CACNA1G: variants seen among roughly 807,000 people sequenced by gnomAD.
The protein encoded by CACNA1G is calcium voltage-gated channel subunit alpha1 G.
CACNA1G carries 67 observed loss-of-function variants against 219.4 expected under a neutral mutation model. The ratio of observed to expected loss-of-function variants is 0.31; its 90% confidence interval spans 0.25 to 0.37. The LOEUF is 0.37. Among genes scored for constraint, CACNA1G ranks in the 10% least tolerant of loss-of-function variants. The probability of loss-of-function intolerance (pLI) is 1.00; values close to 1 mark genes in which losing one functional copy is unlikely to be tolerated. For synonymous variants in CACNA1G, 1,296 were observed against 1,345.3 expected, an observed-to-expected ratio of 0.96 and a Z score of 0.80; for missense variants, 2,380 against 3,231.4, an observed-to-expected ratio of 0.74 and a Z score of 6.39.
At chr17:50,624,257 G>A (rs1247340255) in intron 36 of CACNA1G, 103 bp from the exon 37 acceptor site, 2 of 1,267,704 alleles carry the variant, frequency 1.6e-6, no homozygotes, top group Non-Finnish European at 2.2e-6. Context: ...GCCCTGATGA[G>A]GGGGAGAGAG....
intron 25 of CACNA1G, among the ~76,000 whole-genome samples, chr17:50,609,507 T>C (rs1018352942): frequency 4.6e-5 from 7 of 150,814 alleles, no homozygotes; most frequent in Non-Finnish European, 8.9e-5. Flanking sequence ...GTCAGGCAGA[T>C]GGAATTCTTT....
At position 50,626,561 on chromosome 17, in the gene CACNA1G, C is replaced by G; in HGVS notation, c.6944C>G (p.Pro2315Arg). ...AGCCCGCCTAGTATCACCATAGACCCCCCCGAGAGCCAAGGTCCTCGGACC... is the reference window on the plus strand; with the variant it reads ...AGCCCGCCTAGTATCACCATAGACCGCCCCGAGAGCCAAGGTCCTCGGACC... ...KLSPPSITID[P>R]PESQGPRTPP... The change falls in exon 38 of 38, where the codon CCC (proline) becomes CGC (arginine). Residue 2315 changes from proline (P) to arginine (R), a missense_variant. Transcript: ENST00000359106. This position sits in a 1 kb window ranked among gnomAD's most constrained non-coding sequence, Gnocchi z 4.3. 1 of 1,591,672 alleles carries G rather than the reference C, an allele frequency of 6.3e-7. No homozygotes were observed. Among genetic ancestry groups the G allele is most frequent in the Non-Finnish European group, 8.5e-7 (1 of 1,170,790 alleles).
In CACNA1G at chr17:50,618,742, C is replaced by T; in HGVS notation, c.5515C>T (p.Gln1839Ter). 6.2e-7 allele frequency: 1 copy of T among 1,613,980 alleles called. No individual in the cohort carries two copies. The highest frequency in any genetic ancestry group is 8.5e-7 in the Non-Finnish European group (1 of 1,179,886). Residue 1839 changes from glutamine to a stop codon, truncating the protein, a stop_gained, in exon 33 of 38, where the codon CAG becomes TAG. Transcript: ENST00000359106. LOFTEE classifies it high-confidence loss of function. The surrounding 1 kb of genome is among the most constrained non-coding windows in gnomAD (Gnocchi z 5.3). ...CTTTGTGTCCTTCGTGCTGACGGCC[C>T]AGTTCGTGCTAGTCAACGTGGTGAT... is the stretch of plus-strand genomic sequence containing the variant. ...IYFVSFVLTA[Q>*]FVLVNVVIAV...
intron 1 of CACNA1G, among the ~76,000 whole-genome samples, chr17:50,566,714 G>C (rs1312471448): frequency 6.6e-6 from 1 of 152,192 alleles, no homozygotes; most frequent in East Asian, 1.9e-4. Flanking sequence ...TGGTTGATTC[G>C]TTCATTCATT....
Position 50,626,857 on chromosome 17 carries a change from C to A in CACNA1G, c.*106C>A. On this transcript the variant is annotated 3_prime_UTR_variant, in exon 38 of 38. Coordinates refer to ENST00000359106, the MANE Select transcript of CACNA1G (RefSeq NM_018896.5). The surrounding 1 kb of genome is among the most constrained non-coding windows in gnomAD (Gnocchi z 4.3). ...AAGTTCCATATAGACACCAAGGAGGCGGAGGCGCTCCTCCCTGCCTCAGTG... is the reference window on the plus strand; with the variant it reads ...AAGTTCCATATAGACACCAAGGAGGAGGAGGCGCTCCTCCCTGCCTCAGTG... 7.0e-7 allele frequency: 1 copy of A among 1,420,634 alleles called. No homozygotes were observed. The highest frequency in any genetic ancestry group is 1.2e-5 in the South Asian group (1 of 86,650). 88.0% of individuals were successfully genotyped at this position (1,420,634 alleles called of 1,614,324 possible). A position where few individuals can be genotyped will look rare whatever the true frequency, so the allele number is the denominator to read the frequency against.
At position 50,621,606 on chromosome 17, in the gene CACNA1G, G is replaced by A. The variant is rs555792708; in HGVS notation, c.5926-54G>A. 1.1e-5 allele frequency: 17 copies of A among 1,593,818 alleles called. No individual in the cohort carries two copies. The highest frequency in any genetic ancestry group is 3.4e-5 in the Admixed American group (2 of 59,472). On this transcript the variant is annotated intron_variant, in intron 34 of 37. Transcript: ENST00000359106. The surrounding 1 kb of genome is among the most constrained non-coding windows in gnomAD (Gnocchi z 4.6). ...AGAGAGCGCGTGTGTGCGTGTGCAC[G>A]CGCGTGTGCGCTGTCCTGGTTTCTC...
chr17:50,606,218 G>A (rs925249604), intron 23 of CACNA1G, 195 bp downstream of exon 23: 2 of 801,954 alleles, frequency 2.5e-6, no homozygotes, highest in African/African-American at 3.4e-5. Context: ...GTGGGCCCAT[G>A]GGGTCTCTAG....
chr17:50,575,056 G>A (rs2040346179), intron 7 of CACNA1G, among the ~76,000 whole-genome samples: 3 of 152,190 alleles, frequency 2.0e-5, no homozygotes, highest in Admixed American at 2.0e-4. Flanking sequence ...GCTAGAAGCA[G>A]GAGTCTTGTA....
chr17:50,584,618 AGG>A (rs1005241118), intron 9 of CACNA1G, among the ~76,000 whole-genome samples: 2 of 4,696 alleles, frequency 4.3e-4, no homozygotes, highest in Non-Finnish European at 9.4e-4. Flanking sequence ...AGGGGGTGAC[AGG>A]GGGGCGGCGG....
chr17:50,586,456 T>TCC (rs1857185364), intron 9 of CACNA1G, among the ~76,000 whole-genome samples: 1 of 152,146 alleles, frequency 6.6e-6, no homozygotes, highest in Admixed American at 6.5e-5. Flanking sequence ...ATGGACATCC[T>TCC]CCCAGGCTGT....
intron 4 of CACNA1G, 112 bp downstream of exon 4, chr17:50,569,915 C>T (rs2038981735): frequency 7.9e-6 from 6 of 761,144 alleles, no homozygotes; most frequent in Non-Finnish European, 8.8e-6. Context: ...CAGGCCCCGT[C>T]AGAGAAGGGC....
Position 50,576,136 on chromosome 17 carries a change from G to A in CACNA1G, c.1734G>A (p.Glu578=). 6.2e-7 allele frequency: 1 copy of A among 1,606,586 alleles called. No individual in the cohort carries two copies. Among genetic ancestry groups the A allele is most frequent in the Admixed American group, 1.7e-5 (1 of 59,346 alleles). Residue 578 remains glutamate (E), a synonymous_variant, in exon 8 of 38, where the codon GAG becomes GAA. Coordinates refer to ENST00000359106, the MANE Select transcript of CACNA1G (RefSeq NM_018896.5). Reference sequence around the variant, plus strand: ...CGCCCCCTCCCAGGTCCCCATCTGAGGCATCCGGCAGGACTGTGGGCAGCG... The same window carrying A: ...CGCCCCCTCCCAGGTCCCCATCTGAAGCATCCGGCAGGACTGTGGGCAGCG... ...CQAPPPRSPS[E]ASGRTVGSGK...
chr17:50,601,535 G>C (rs1411259693), intron 19 of CACNA1G, among the ~76,000 whole-genome samples: 1 of 152,220 alleles, frequency 6.6e-6, no homozygotes, highest in Non-Finnish European at 1.5e-5. Context: ...AGGGCCTCGG[G>C]GGCATGCAGA....
chr17:50,573,159 C>A, intron 7 of CACNA1G, 46 bp downstream of exon 7: 1 of 1,386,534 alleles, frequency 7.2e-7, no homozygotes, highest in Non-Finnish European at 1.0e-6. Context: ...ATCCTGGGGA[C>A]ACCTGTGGGG....
intron 16 of CACNA1G, among the ~76,000 whole-genome samples, chr17:50,598,747 C>CT (rs35819988): frequency 6.6e-6 from 1 of 151,974 alleles, no homozygotes; most frequent in Non-Finnish European, 1.5e-5. Flanking sequence ...TCTGTGTCTC[C>CT]TTTTTTTTGA....
Position 50,627,040 on chromosome 17 carries a change from T to C in CACNA1G, c.*289T>C. 1.7e-6 allele frequency: 1 copy of C among 578,946 alleles called. No homozygotes were observed. The highest frequency in any genetic ancestry group is 3.2e-6 in the Non-Finnish European group (1 of 309,382). 35.9% of individuals were successfully genotyped at this position (578,946 alleles called of 1,614,324 possible). A position where few individuals can be genotyped will look rare whatever the true frequency, so the allele number is the denominator to read the frequency against. On this transcript the variant is annotated 3_prime_UTR_variant, in exon 38 of 38. Transcript: ENST00000359106. ...TACGTTTGTGCAGAATCTCTATGTA[T>C]ATTCTATTTTATTAAATTAATTGAA...
At position 50,617,323 on chromosome 17, in the gene CACNA1G, G is replaced by C. The variant is rs2050804466; in HGVS notation, c.5022-115G>C. 1 of 1,186,126 alleles carries C rather than the reference G, an allele frequency of 8.4e-7. No individual in the cohort carries two copies. Among genetic ancestry groups the C allele is most frequent in the Non-Finnish European group, 1.2e-6 (1 of 853,334 alleles). The allele number at this position is 1,186,126 out of a possible 1,614,324, so 73.5% of individuals were successfully genotyped here. A position where few individuals can be genotyped will look rare whatever the true frequency, so the allele number is the denominator to read the frequency against. The stretch of plus-strand genomic sequence containing the variant: ...ACGCCTCTTCTCTGTGGGATGGGAG[G>C]CTGGACCCGCTGATGTCTGCCCTCC... On this transcript the variant is annotated intron_variant, in intron 28 of 37. Transcript: ENST00000359106. This position sits in a 1 kb window ranked among gnomAD's most constrained non-coding sequence, Gnocchi z 5.8.
At chr17:50,610,049 C>A (rs1247095703) in intron 26 of CACNA1G, 114 bp downstream of exon 26, 33 of 1,031,780 alleles carry the variant, frequency 3.2e-5, no homozygotes, top group Non-Finnish European at 4.3e-5. Context: ...CTGGGGCCCC[C>A]AAGAGGGCAG....
chr17:50,595,750 A>C (rs577894533), intron 14 of CACNA1G, among the ~76,000 whole-genome samples: 68 of 152,362 alleles, frequency 4.5e-4, no homozygotes, highest in African/African-American at 1.5e-3. Context: ...GTGGGACCCC[A>C]TGGTGCTGCA....
Sources: gnomAD v4.1 joint callset for allele counts (sites outside exome capture counted in the v4.1 genomes callset) on GRCh38, gnomAD v4.1.1 for gene constraint, Gnocchi (gnomAD v3.1) non-coding constraint, MANE v1.5 for transcripts, NCBI Gene and HGNC (gene_info 2026-07-23, HGNC 2026-07-21) for gene names.